The following LRRTM4 variants were observed in gnomAD, a reference collection of about 807,000 sequenced individuals.
LRRTM4 encodes leucine-rich repeat transmembrane neuronal protein 4.
A neutral mutation model predicts 47.6 loss-of-function variants in LRRTM4; 25 were observed. That is an observed-to-expected ratio of 0.53 (90% confidence interval 0.38 to 0.73). The LOEUF is 0.73. Ranked by LOEUF, LRRTM4 falls within the 30% of genes least tolerant of loss-of-function variation. LRRTM4 has a pLI of 0.00. For missense variants in LRRTM4, 638 were observed against 713.4 expected (o/e 0.89, Z 1.20); for synonymous variants, 311 against 269.5 (o/e 1.15, Z -1.51).
At chr2:76,859,449 G>T (rs1672248712) in intron 3 of LRRTM4, among the ~76,000 whole-genome samples, 1 of 152,008 alleles carries the variant, frequency 6.6e-6, no homozygotes. Context: ...TAATAGTATT[G>T]CTTTTGAATG....
At position 77,518,963 on chromosome 2, in the gene LRRTM4, T is replaced by C; in HGVS notation, c.906A>G (p.Ser302=). The change falls in exon 3 of 4, where the codon TCA becomes TCG. Residue 302 remains serine (S), a synonymous_variant. Transcript: ENST00000409884. ...TTCCAGACAATGTGATGGATATTAA[T>C]GATATCCACGCATTGACAGTTTCCT... The part of the protein sequence containing the change: ...ISQETVNAWI[S]LISITLSGNM... The C allele has an allele frequency of 6.2e-7, 1 of 1,611,784 alleles. No homozygotes were observed.
chr2:77,249,611 A>G (rs750355974), intron 3 of LRRTM4, among the ~76,000 whole-genome samples: 1 of 152,214 alleles, frequency 6.6e-6, no homozygotes, highest in African/African-American at 2.4e-5. Flanking sequence ...TAAAACAACA[A>G]GAAGATACCA....
chr2:76,836,277 C>T (rs930301198), intron 3 of LRRTM4, among the ~76,000 whole-genome samples: 10 of 151,902 alleles, frequency 6.6e-5, no homozygotes, highest in Admixed American at 5.9e-4. Flanking sequence ...TTCTGAGCCT[C>T]GATTTCATCA....
At chr2:77,486,037 C>A (rs1266867162) in intron 3 of LRRTM4, among the ~76,000 whole-genome samples, 2 of 152,026 alleles carry the variant, frequency 1.3e-5, no homozygotes, top group Non-Finnish European at 2.9e-5. Flanking sequence ...CTATGCCCAG[C>A]CTAAAAAAAA....
At chr2:77,213,738 C>A (rs900138283) in intron 3 of LRRTM4, among the ~76,000 whole-genome samples, 7 of 152,240 alleles carry the variant, frequency 4.6e-5, no homozygotes, top group African/African-American at 1.4e-4. Context: ...TTACACTAAT[C>A]TCTTCTCTAA....
At chr2:76,880,238 GAA>G in intron 3 of LRRTM4, among the ~76,000 whole-genome samples, 1 of 152,252 alleles carries the variant, frequency 6.6e-6, no homozygotes, top group Admixed American at 6.5e-5. Context: ...TTAGTGAAAG[GAA>G]GAATCAAACA....
chr2:76,955,133 TA>T (rs1408908686), intron 3 of LRRTM4, among the ~76,000 whole-genome samples: 8 of 151,886 alleles, frequency 5.3e-5, no homozygotes, highest in African/African-American at 1.9e-4. Context: ...TGAAAGCATG[TA>T]AAAGTATGAA....
At chr2:77,201,516 C>A (rs1467360576) in intron 3 of LRRTM4, among the ~76,000 whole-genome samples, 1 of 152,056 alleles carries the variant, frequency 6.6e-6, no homozygotes, top group Non-Finnish European at 1.5e-5. Flanking sequence ...TTTTCAGAAG[C>A]TGTGACAGAG....
chr2:77,293,704 T>A (rs1052064230), intron 3 of LRRTM4, among the ~76,000 whole-genome samples: 5 of 152,132 alleles, frequency 3.3e-5, no homozygotes, highest in Non-Finnish European at 7.4e-5. Context: ...ATGAGAGGAA[T>A]ATAATTTTCA....
chr2:77,257,804 A>G (rs1266275871), intron 3 of LRRTM4, among the ~76,000 whole-genome samples: 1 of 152,038 alleles, frequency 6.6e-6, no homozygotes, highest in Non-Finnish European at 1.5e-5. Context: ...AAGAGAACAC[A>G]TTAATGGCAA....
At chr2:77,047,682 C>T (rs867642255) in intron 3 of LRRTM4, among the ~76,000 whole-genome samples, 2 of 152,006 alleles carry the variant, frequency 1.3e-5, no homozygotes, top group African/African-American at 4.8e-5. Flanking sequence ...TGTCACTTCC[C>T]TTTATCTTAA....
intron 3 of LRRTM4, among the ~76,000 whole-genome samples, chr2:77,126,458 A>G (rs1343502573): frequency 1.3e-5 from 2 of 152,128 alleles, no homozygotes; most frequent in Non-Finnish European, 2.9e-5. Context: ...CTTTGCCTCT[A>G]GTGTGATATA....
intron 3 of LRRTM4, among the ~76,000 whole-genome samples, chr2:77,063,095 C>T (rs570912827): frequency 6.6e-6 from 1 of 151,718 alleles, no homozygotes; most frequent in African/African-American, 2.4e-5. Flanking sequence ...GCTGGGACTA[C>T]AGGCACATGC....
At chr2:77,021,842 C>T (rs1188675839) in intron 3 of LRRTM4, among the ~76,000 whole-genome samples, 1 of 152,164 alleles carries the variant, frequency 6.6e-6, no homozygotes, top group Non-Finnish European at 1.5e-5. Flanking sequence ...ATGATGATTT[C>T]ATATACACAT....
At chr2:76,835,136 G>A (rs1671472742) in intron 3 of LRRTM4, among the ~76,000 whole-genome samples, 1 of 152,068 alleles carries the variant, frequency 6.6e-6, no homozygotes, top group African/African-American at 2.4e-5. Flanking sequence ...AACTTGATGT[G>A]TATTGGGCAA....
At chr2:76,933,676 C>A (rs1293317397) in intron 3 of LRRTM4, among the ~76,000 whole-genome samples, 1 of 152,038 alleles carries the variant, frequency 6.6e-6, no homozygotes, top group Non-Finnish European at 1.5e-5. Context: ...TGATTGAAAG[C>A]TGCCAGATAA....
chr2:76,783,456 A>G (rs1366803253), intron 3 of LRRTM4, among the ~76,000 whole-genome samples: 4 of 152,140 alleles, frequency 2.6e-5, no homozygotes, highest in Non-Finnish European at 5.9e-5. Flanking sequence ...ATACATTTAC[A>G]TTGTTGTGCC....
At chr2:76,888,431 T>C (rs1211529533) in intron 3 of LRRTM4, among the ~76,000 whole-genome samples, 2 of 151,650 alleles carry the variant, frequency 1.3e-5, no homozygotes, top group East Asian at 3.9e-4. Context: ...TTCAAAAGTT[T>C]AACAGTTATT....
chr2:77,228,213 T>A (rs1289365949), intron 3 of LRRTM4, among the ~76,000 whole-genome samples: 3 of 152,138 alleles, frequency 2.0e-5, no homozygotes, highest in Non-Finnish European at 4.4e-5. Flanking sequence ...GCTGTCCAAA[T>A]CCATGATATT....
Sources: gnomAD v4.1 joint callset for allele counts (sites outside exome capture counted in the v4.1 genomes callset) on GRCh38, gnomAD v4.1.1 for gene constraint, MANE v1.5 for transcripts, NCBI Gene and HGNC (gene_info 2026-07-23, HGNC 2026-07-21) for gene names.